Variants in RHCE observed in about 807,000 individuals in gnomAD.
RHCE encodes Rh blood group CcEe antigens.
RHCE carries 22 observed loss-of-function variants against 43.8 expected under a neutral mutation model. The ratio of observed to expected loss-of-function variants is 0.50; its 90% CI spans 0.36 to 0.72. The LOEUF is 0.72. Ranked by LOEUF, RHCE falls within the 30% of genes least tolerant of loss-of-function variation. RHCE has a pLI of 0.00. For synonymous variants in RHCE, 156 were observed against 210.7 expected (o/e 0.74, Z 2.25); for missense variants, 385 against 525.4 (o/e 0.73, Z 2.61).
upstream of RHCE, among the ~76,000 whole-genome samples, chr1:25,422,117 T>C (rs2042766814): frequency 6.6e-6 from 1 of 152,224 alleles, no homozygotes; most frequent in South Asian, 2.1e-4. Context: ...AGAGAGGTCA[T>C]ACCTAAGGTC....
chr1:25,423,383 T>G (rs1028943673), upstream of RHCE, among the ~76,000 whole-genome samples: 1 of 152,088 alleles, frequency 6.6e-6, no homozygotes, highest in African/African-American at 2.4e-5. Context: ...CACTAAAGAT[T>G]TCCAGGCAAT....
At chr1:25,425,694 G>A (rs2042800132), upstream of RHCE, among the ~76,000 whole-genome samples, 1 of 152,192 alleles carries the variant, frequency 6.6e-6, no homozygotes, top group South Asian at 2.1e-4. Flanking sequence ...CTGCAGGTGT[G>A]GTGAATCAAG....
chr1:25,418,466 C>G (rs1277641219), intron 1 of RHCE, among the ~76,000 whole-genome samples: 3 of 152,068 alleles, frequency 2.0e-5, no homozygotes, highest in Admixed American at 6.6e-5. Context: ...CCACACCCGG[C>G]TAGTTTTTAT....
intron 7 of RHCE, among the ~76,000 whole-genome samples, chr1:25,375,878 A>G (rs1645770893): frequency 2.2e-5 from 3 of 137,292 alleles, no homozygotes; most frequent in African/African-American, 8.6e-5. Context: ...GGCTCACTGC[A>G]ACCTCTGTCC....
intron 3 of RHCE, among the ~76,000 whole-genome samples, chr1:25,397,529 C>A (rs1646589805): frequency 6.6e-6 from 1 of 151,946 alleles, no homozygotes; most frequent in Non-Finnish European, 1.5e-5. Flanking sequence ...CATATTCCCT[C>A]CCAGACCATT....
In RHCE at chr1:25,408,754, C is replaced by A. The variant is rs1264024865; in HGVS notation, c.264G>T (p.Val88=). Residue 88 remains valine (V), a synonymous_variant, in exon 2 of 10, where the codon GTG becomes GTT. Transcript: ENST00000294413. ...AFNLFMLALG[V]QWAILLDGFL... ...AGCCGTCCAGCAGGATTGCCCACTG[C>A]ACACCAAGCGCCAGCATGAAGAGGT... The A allele has an allele frequency of 1.6e-6, 2 of 1,282,258 alleles. 1 individual carries two copies. Among genetic ancestry groups the A allele is most frequent in the Non-Finnish European group, 2.1e-6 (2 of 962,634 alleles). The allele number at this position is 1,282,258 out of a possible 1,614,324, so 79.4% of individuals were successfully genotyped here. A position where few individuals can be genotyped will look rare whatever the true frequency, so the allele number is the denominator to read the frequency against.
intron 3 of RHCE, among the ~76,000 whole-genome samples, chr1:25,392,795 T>C (rs944479706): frequency 6.6e-6 from 1 of 151,734 alleles, no homozygotes; most frequent in African/African-American, 2.4e-5. Flanking sequence ...GGTCTCGAAC[T>C]CCTGGGCTCA....
intron 8 of RHCE, among the ~76,000 whole-genome samples, chr1:25,373,994 T>C (rs1269987974): frequency 7.0e-6 from 1 of 142,098 alleles, no homozygotes; most frequent in Non-Finnish European, 1.5e-5. Context: ...CTAATTTTTG[T>C]ATTTCTGGCA....
chr1:25,414,777 T>C lies in RHCE; in HGVS notation c.148+5862A>G, dbSNP rs2473373. Among the ~76,000 whole-genome samples the C allele has an allele frequency of 5.3e-5, 8 of 152,124 alleles. No homozygotes were observed. In the South Asian group the frequency reaches 6.2e-4, roughly 12 times the overall value. ...CCAGTGAATCACCAATTGCCAAACA[T>C]GTGAATGAGGTCATCTGAGGCCATC... is the stretch of plus-strand genomic sequence containing the variant. On this transcript the variant is annotated intron_variant, in intron 1 of 9. Coordinates refer to ENST00000294413, the MANE Select transcript of RHCE (RefSeq NM_020485.8).
intron 2 of RHCE, among the ~76,000 whole-genome samples, chr1:25,406,358 G>T (rs1380613753): frequency 3.3e-5 from 4 of 121,280 alleles, no homozygotes; most frequent in African/African-American, 5.1e-5. Context: ...TGTCGCCCAG[G>T]CTACAGTGCA....
intron 2 of RHCE, among the ~76,000 whole-genome samples, chr1:25,425,957 C>T (rs2042802638): frequency 6.6e-6 from 1 of 152,236 alleles, no homozygotes; most frequent in African/African-American, 2.4e-5. Flanking sequence ...TGGAGTTAGG[C>T]AACCTGGTTC....
At chr1:25,383,465 G>A (rs1286579834) in intron 7 of RHCE, among the ~76,000 whole-genome samples, 3 of 152,090 alleles carry the variant, frequency 2.0e-5, no homozygotes, top group Non-Finnish European at 2.9e-5. Flanking sequence ...CATAAAGAAC[G>A]GGGCTATGTT....
intron 2 of RHCE, among the ~76,000 whole-genome samples, chr1:25,427,575 G>T (rs2042814705): frequency 6.6e-6 from 1 of 152,244 alleles, no homozygotes; most frequent in South Asian, 2.1e-4. Flanking sequence ...GCTAGAGTGG[G>T]TCATGGAAAA....
chr1:25,378,081 G>T (rs1171326583), intron 7 of RHCE, among the ~76,000 whole-genome samples: 1 of 152,144 alleles, frequency 6.6e-6, no homozygotes, highest in African/African-American at 2.4e-5. Flanking sequence ...TATTAAAAGT[G>T]CTCCATTTAG....
chr1:25,400,473 C>T lies in RHCE; in HGVS notation c.486+2123G>A, dbSNP rs867095786. On this transcript the variant is annotated intron_variant, in intron 3 of 9. Coordinates refer to ENST00000294413, the MANE Select transcript of RHCE (RefSeq NM_020485.8). ...CACAATTCTGTCTCCTTTGCTGGCTCTTACACATGTCCCCCCTCTAAAATG... is the reference window on the plus strand; with the variant it reads ...CACAATTCTGTCTCCTTTGCTGGCTTTTACACATGTCCCCCCTCTAAAATG... 3.3e-5 allele frequency among the ~76,000 whole-genome samples: 5 copies of T among 151,360 alleles called. No individual in the cohort carries two copies. The South Asian group carries it at 1.1e-3, about 32-fold the overall frequency.
intron 3 of RHCE, among the ~76,000 whole-genome samples, chr1:25,396,746 G>A (rs1346270937): frequency 1.3e-5 from 2 of 152,152 alleles, no homozygotes; most frequent in Non-Finnish European, 2.9e-5. Context: ...CTCCCACAAG[G>A]TCCTGCCCTC....
At chr1:25,395,403 G>A (rs905175047) in intron 3 of RHCE, among the ~76,000 whole-genome samples, 1 of 152,228 alleles carries the variant, frequency 6.6e-6, no homozygotes, top group Non-Finnish European at 1.5e-5. Context: ...TAGATGTACA[G>A]AGAGAATCAG....
At position 25,375,896 on chromosome 1, in the gene RHCE, T is replaced by C. The variant is rs548408507; in HGVS notation, c.1074-468A>G. Among the ~76,000 whole-genome samples the C allele has an allele frequency of 9.7e-3, 1,418 of 146,260 alleles. 28 individuals carry two copies. Among genetic ancestry groups the C allele is most frequent in the African/African-American group, 0.034 (1,316 of 38,732 alleles). Reference sequence around the variant, plus strand: ...TCACTGCAACCTCTGTCCCCCAGGTTCAAGCGATTCTTGTGCCTCAAGTAG... The same window carrying C: ...TCACTGCAACCTCTGTCCCCCAGGTCCAAGCGATTCTTGTGCCTCAAGTAG... On this transcript the variant is annotated intron_variant, in intron 7 of 9. Coordinates refer to ENST00000294413, the MANE Select transcript of RHCE (RefSeq NM_020485.8).
chr1:25,401,808 T>G (rs1646751165), intron 3 of RHCE, among the ~76,000 whole-genome samples: 1 of 152,210 alleles, frequency 6.6e-6, no homozygotes, highest in Admixed American at 6.5e-5. Flanking sequence ...TGTTTAAACA[T>G]TTGCACAGAC....
Sources: gnomAD v4.1 joint callset for allele counts (sites outside exome capture counted in the v4.1 genomes callset) on GRCh38, gnomAD v4.1.1 for gene constraint, MANE v1.5 for transcripts, NCBI Gene and HGNC (gene_info 2026-07-23, HGNC 2026-07-21) for gene names.